Variants in MFAP1 observed in about 807,000 individuals in gnomAD.
The protein encoded by MFAP1 is microfibrillar-associated protein 1.
MFAP1 carries 18 observed loss-of-function variants against 62.2 expected under a neutral mutation model. The ratio of observed to expected loss-of-function variants is 0.29; its 90% CI spans 0.20 to 0.43. The LOEUF (loss-of-function observed/expected upper bound fraction) is 0.43, where lower values mean the gene tolerates loss of function less well. MFAP1 is among the 20% of genes least tolerant of loss of function. The pLI, the probability that MFAP1 is intolerant of heterozygous loss-of-function variation, is 1.00. For missense variants in MFAP1, 355 were observed against 559.7 expected (o/e 0.63, Z 3.69); for synonymous variants, 175 against 180.4 (o/e 0.97, Z 0.24).
At chr15:43,807,480 C>T (rs895922881) in intron 7 of MFAP1, among the ~76,000 whole-genome samples, 17 of 151,396 alleles carry the variant, frequency 1.1e-4, no homozygotes, top group African/African-American at 4.1e-4. Context: ...TCCCAAGTAG[C>T]TGTGACTACA....
chr15:43,808,388 A>G (rs927316557), intron 7 of MFAP1, among the ~76,000 whole-genome samples: 3 of 152,046 alleles, frequency 2.0e-5, no homozygotes, highest in African/African-American at 7.2e-5. Flanking sequence ...TTTTGTAGAG[A>G]TGGGGTTTTG....
chr15:43,818,757 T>C lies in MFAP1; in HGVS notation c.80-1309A>G, dbSNP rs114066311. On this transcript the variant is annotated intron_variant, in intron 1 of 8. Transcript: ENST00000267812. The stretch of plus-strand genomic sequence containing the variant: ...AAAAAATTACCCGGACATAGTGGTA[T>C]ATGCCTGTGGTCCCAAGCTACATGG... Among the ~76,000 whole-genome samples the C allele has an allele frequency of 8.7e-3, 1,329 of 151,952 alleles. 18 individuals are homozygous for C. Among genetic ancestry groups the C allele is most frequent in the African/African-American group, 0.03 (1,259 of 41,430 alleles).
chr15:43,810,213 T>A, intron 6 of MFAP1: 1 of 281,704 alleles, frequency 3.5e-6, no homozygotes, highest in Non-Finnish European at 6.6e-6. Context: ...AAAGGTCTTC[T>A]TAGCTTTAAA....
At chr15:43,813,789 C>T (rs2087417985) in intron 4 of MFAP1, among the ~76,000 whole-genome samples, 1 of 151,718 alleles carries the variant, frequency 6.6e-6, no homozygotes, top group Non-Finnish European at 1.5e-5. Flanking sequence ...GGATTACAGT[C>T]GTGAGCCACC....
rs1399668579 is a variant in MFAP1, at chr15:43,818,990, G to C, written c.80-1542C>G. 2.0e-5 allele frequency among the ~76,000 whole-genome samples: 3 copies of C among 152,136 alleles called. No individual in the cohort carries two copies. The South Asian group carries it at 6.2e-4, about 31-fold the overall frequency. ...GCAGATCAGTTGAGGCTAGGAGTTC[G>C]AGACCAGCCTGCCCAACATGGCAAA... On this transcript the variant is annotated intron_variant, in intron 1 of 8. Transcript: ENST00000267812.
intron 1 of MFAP1, among the ~76,000 whole-genome samples, chr15:43,823,645 G>A (rs1403417045): frequency 6.6e-6 from 1 of 152,172 alleles, no homozygotes; most frequent in Non-Finnish European, 1.5e-5. Flanking sequence ...CCAAAGTGCT[G>A]GGTTTATGGG....
At chr15:43,813,407 C>A in intron 4 of MFAP1, 50 bp from the exon 5 acceptor site, 1 of 1,538,794 alleles carries the variant, frequency 6.5e-7, no homozygotes. Context: ...GAGTGGAGTG[C>A]TTTGTTCCCC....
intron 4 of MFAP1, among the ~76,000 whole-genome samples, 199 bp downstream of exon 4, chr15:43,814,302 G>C (rs746180477): frequency 1.1e-4 from 16 of 152,158 alleles, no homozygotes; most frequent in Non-Finnish European, 2.4e-4. Flanking sequence ...ACTGAAAAAA[G>C]AGATGTGAAA....
chr15:43,819,954 T>C (rs1027533639), intron 1 of MFAP1, among the ~76,000 whole-genome samples: 5 of 152,178 alleles, frequency 3.3e-5, no homozygotes, highest in Non-Finnish European at 5.9e-5. Context: ...GAGAACATCC[T>C]GGCTAACACA....
Position 43,806,226 on chromosome 15 carries a change from C to T in MFAP1, c.1048-761G>A, listed in dbSNP as rs2087364581. Among the ~76,000 whole-genome samples, 3 of 152,292 alleles carry T rather than the reference C, an allele frequency of 2.0e-5. No homozygotes were observed. The South Asian group carries it at 6.2e-4, about 32-fold the overall frequency. Reference sequence around the variant, plus strand: ...ACTCTGCATAGGCCTCTCAAATCTGCAATCCTGGATTTTTTACTGGCTTTC... The same window carrying T: ...ACTCTGCATAGGCCTCTCAAATCTGTAATCCTGGATTTTTTACTGGCTTTC... On this transcript the variant is annotated intron_variant, in intron 7 of 8. Transcript: ENST00000267812.
In MFAP1 at chr15:43,805,542, A is replaced by G; in HGVS notation, c.1048-77T>C. ...AACCACAAATTTATTAAACTCTACA[A>G]TAAGGGATACAGAGAAAGCAGAGGG... On this transcript the variant is annotated intron_variant, in intron 7 of 8. Transcript: ENST00000267812. 3.4e-6 allele frequency: 4 copies of G among 1,169,980 alleles called. No homozygotes were observed. The East Asian group carries it at 7.5e-5, about 22-fold the overall frequency. 72.5% of individuals were successfully genotyped at this position (1,169,980 alleles called of 1,614,324 possible). A position where few individuals can be genotyped will look rare whatever the true frequency, so the allele number is the denominator to read the frequency against.
intron 7 of MFAP1, 23 bp from the exon 8 acceptor site, chr15:43,805,488 A>C: frequency 6.3e-7 from 1 of 1,582,724 alleles, no homozygotes; most frequent in East Asian, 2.2e-5. Flanking sequence ...AATCTTATCA[A>C]TCTTGTGGCT....
At chr15:43,810,584 G>A (rs1049718798) in intron 6 of MFAP1, among the ~76,000 whole-genome samples, 1 of 152,022 alleles carries the variant, frequency 6.6e-6, no homozygotes, top group Non-Finnish European at 1.5e-5. Context: ...AGCCAGGATG[G>A]TCTCAATCTC....
At chr15:43,819,512 T>C (rs2087454374) in intron 1 of MFAP1, among the ~76,000 whole-genome samples, 1 of 152,098 alleles carries the variant, frequency 6.6e-6, no homozygotes, top group South Asian at 2.1e-4. Context: ...GATAAAACAA[T>C]AGAAACATTC....
chr15:43,816,974 G>A (rs1739701509), intron 2 of MFAP1, among the ~76,000 whole-genome samples: 1 of 152,130 alleles, frequency 6.6e-6, no homozygotes, highest in Non-Finnish European at 1.5e-5. Flanking sequence ...AGGTCCTTTA[G>A]GCCAGAAGTA....
chr15:43,814,962 C>T lies in MFAP1; in HGVS notation c.412G>A (p.Glu138Lys). Reference protein sequence around the residue: ...EREDSSEEEEEEIDDEEIERR... With the variant: ...EREDSSEEEEKEIDDEEIERR... ...TATCATACCTCATCATCAATTTCCT[C>T]CTCCTCTTCTTCACTGCTGTCTTCT... is the stretch of plus-strand genomic sequence containing the variant. Residue 138 changes from glutamate (E) to lysine (K), a missense_variant, in exon 3 of 9, where the codon GAG becomes AAG. Glu to Lys is a moderately conservative substitution (Grantham distance 56). Transcript: ENST00000267812. 6.2e-7 allele frequency: 1 copy of T among 1,614,102 alleles called. No individual in the cohort carries two copies. The highest frequency in any genetic ancestry group is 8.5e-7 in the Non-Finnish European group (1 of 1,180,020).
chr15:43,820,411 T>C lies in MFAP1; in HGVS notation c.80-2963A>G, dbSNP rs1161275400. On this transcript the variant is annotated intron_variant, in intron 1 of 8. Coordinates refer to ENST00000267812, the MANE Select transcript of MFAP1 (RefSeq NM_005926.3). ...GTCAACACTGTATTATGGTTCTAAT[T>C]TGGGCAATAAGGAAAAGTTATAAGG... Among the ~76,000 whole-genome samples the C allele has an allele frequency of 2.0e-5, 3 of 152,150 alleles. No homozygotes were observed. In the East Asian group the frequency reaches 5.8e-4, roughly 29 times the overall value.
intron 1 of MFAP1, among the ~76,000 whole-genome samples, chr15:43,818,515 AAAG>A (rs1314367174): frequency 6.9e-6 from 1 of 145,894 alleles, no homozygotes; most frequent in African/African-American, 2.7e-5. Flanking sequence ...AAAAAAAAAA[AAAG>A]AAACAAAAAA....
intron 7 of MFAP1, among the ~76,000 whole-genome samples, chr15:43,805,946 CT>C (rs920691277): frequency 0.011 from 1,558 of 136,832 alleles, 12 homozygotes; most frequent in East Asian, 0.023. Context: ...TGTATTTCTC[CT>C]TTTTTTTTTT....
Sources: allele counts gnomAD v4.1 joint callset (sites outside exome capture counted in the v4.1 genomes callset), GRCh38; gene constraint gnomAD v4.1.1; transcripts MANE v1.5; gene names NCBI Gene and HGNC (gene_info 2026-07-23, HGNC 2026-07-21).